The following RAB27B variants were observed in gnomAD, a reference collection of about 807,000 sequenced individuals.
The protein encoded by RAB27B is RAB27B, member RAS oncogene family, also known as ras-related protein Rab-27B.
A neutral mutation model predicts 24.6 loss-of-function variants in RAB27B; 15 were observed. The ratio of observed to expected loss-of-function variants is 0.61; its 90% CI spans 0.41 to 0.94. The LOEUF (loss-of-function observed/expected upper bound fraction) is 0.94, where lower values mean the gene tolerates loss of function less well. Ranked by LOEUF, RAB27B falls within the 40% of genes least tolerant of loss-of-function variation. The pLI is 0.00. For synonymous variants in RAB27B, 105 were observed against 92.5 expected, an observed-to-expected ratio of 1.14 and a Z score of -0.78; for missense variants, 261 against 266.8, an observed-to-expected ratio of 0.98 and a Z score of 0.15.
intron 2 of RAB27B, among the ~76,000 whole-genome samples, chr18:54,758,606 T>C (rs1908079769): frequency 6.8e-6 from 1 of 146,186 alleles, no homozygotes. Flanking sequence ...GATGTCTCTC[T>C]CTCCAGCTTG....
intron 1 of RAB27B, among the ~76,000 whole-genome samples, chr18:54,871,606 A>G (rs1912466229): frequency 6.6e-6 from 1 of 152,140 alleles, no homozygotes; most frequent in South Asian, 2.1e-4. Flanking sequence ...TCTTAAGAAT[A>G]CTAAATTGCT....
chr18:54,743,218 A>G (rs567503099), intron 2 of RAB27B, among the ~76,000 whole-genome samples: 70 of 152,282 alleles, frequency 4.6e-4, no homozygotes, highest in Admixed American at 3.5e-3. Context: ...ATTTTGTGTC[A>G]CTGTAATTTT....
intron 1 of RAB27B, among the ~76,000 whole-genome samples, chr18:54,843,073 G>A (rs1275096255): frequency 6.6e-6 from 1 of 152,180 alleles, no homozygotes; most frequent in African/African-American, 2.4e-5. Flanking sequence ...TGGGATTACA[G>A]GTGTGAGCCA....
chr18:54,771,146 C>A (rs903878909), intron 2 of RAB27B, among the ~76,000 whole-genome samples: 7 of 152,086 alleles, frequency 4.6e-5, no homozygotes, highest in African/African-American at 1.7e-4. Flanking sequence ...ATGCTGACTT[C>A]TGGCTAAGGC....
chr18:54,840,313 A>G (rs963248975), intron 1 of RAB27B, among the ~76,000 whole-genome samples: 1 of 152,218 alleles, frequency 6.6e-6, no homozygotes, highest in African/African-American at 2.4e-5. Flanking sequence ...TAGGAAATCA[A>G]TGATTTGTTG....
At chr18:54,742,229 C>G (rs1910093019) in intron 2 of RAB27B, among the ~76,000 whole-genome samples, 1 of 152,184 alleles carries the variant, frequency 6.6e-6, no homozygotes, top group Admixed American at 6.5e-5. Context: ...TCTTGTAACA[C>G]TGTCCTTCAG....
intron 2 of RAB27B, among the ~76,000 whole-genome samples, chr18:54,728,644 G>A (rs1909619729): frequency 6.6e-6 from 1 of 151,986 alleles, no homozygotes; most frequent in South Asian, 2.1e-4. Flanking sequence ...GGAGGCAGAG[G>A]CAGACTGAGC....
chr18:54,772,733 G>A (rs572523623), intron 2 of RAB27B, among the ~76,000 whole-genome samples: 122 of 152,042 alleles, frequency 8.0e-4, no homozygotes, highest in African/African-American at 2.9e-3. Context: ...AATACTATAA[G>A]CCATGCTTCT....
intron 2 of RAB27B, among the ~76,000 whole-genome samples, chr18:54,801,008 GTTTTTTTTT>G (rs11363761): frequency 3.0e-4 from 28 of 93,098 alleles, no homozygotes; most frequent in Non-Finnish European, 4.8e-4. Context: ...TTGTTCCTGT[GTTTTTTTTT>G]TTTTTTTTTT....
chr18:54,858,544 C>G (rs56396522), intron 1 of RAB27B, among the ~76,000 whole-genome samples: 2 of 151,698 alleles, frequency 1.3e-5, no homozygotes, highest in Non-Finnish European at 2.9e-5. Flanking sequence ...CCAGTACGCC[C>G]GGCTAATTTT....
chr18:54,831,052 A>G (rs1373530402), intron 1 of RAB27B, among the ~76,000 whole-genome samples: 1 of 152,170 alleles, frequency 6.6e-6, no homozygotes, highest in Non-Finnish European at 1.5e-5. Context: ...ATCTTTTACC[A>G]GGGAGACAAA....
chr18:54,749,580 A>G (rs191147049), intron 2 of RAB27B, among the ~76,000 whole-genome samples: 1 of 152,316 alleles, frequency 6.6e-6, no homozygotes, highest in Admixed American at 6.5e-5. Flanking sequence ...CAGAGATTGC[A>G]GAGGAGTTCT....
At chr18:54,778,935 G>A (rs1240191598) in intron 2 of RAB27B, among the ~76,000 whole-genome samples, 1 of 151,764 alleles carries the variant, frequency 6.6e-6, no homozygotes, top group Non-Finnish European at 1.5e-5. Context: ...GCACCCCCAG[G>A]TTCAAGCAAT....
At chr18:54,849,317 C>T (rs765982576) in intron 1 of RAB27B, among the ~76,000 whole-genome samples, 3 of 152,144 alleles carry the variant, frequency 2.0e-5, no homozygotes, top group Admixed American at 1.3e-4. Context: ...AGCTTTTAGT[C>T]AACTGTTTAA....
At chr18:54,734,345 T>C (rs973179371) in intron 2 of RAB27B, among the ~76,000 whole-genome samples, 1 of 152,160 alleles carries the variant, frequency 6.6e-6, no homozygotes, top group Non-Finnish European at 1.5e-5. Context: ...TGCAGAGTAC[T>C]TGATACTGTC....
At chr18:54,827,607 G>A (rs148539809), upstream of RAB27B, among the ~76,000 whole-genome samples, 53 of 152,266 alleles carry the variant, frequency 3.5e-4, no homozygotes, top group African/African-American at 9.9e-4. Flanking sequence ...CTAGGGCATC[G>A]AATAAGAAAC....
At chr18:54,833,132 A>T (rs761468242) in intron 1 of RAB27B, among the ~76,000 whole-genome samples, 1 of 152,194 alleles carries the variant, frequency 6.6e-6, no homozygotes, top group Non-Finnish European at 1.5e-5. Context: ...CTTGGGAAAA[A>T]ATGCTCAGGA....
At chr18:54,807,836 A>G (rs750736652) in intron 2 of RAB27B, among the ~76,000 whole-genome samples, 2 of 152,304 alleles carry the variant, frequency 1.3e-5, no homozygotes, top group Non-Finnish European at 1.5e-5. Context: ...GAGCTAGAAG[A>G]AAAAAGCAGT....
At chr18:54,770,894 T>C (rs1238196581) in intron 2 of RAB27B, among the ~76,000 whole-genome samples, 2 of 152,202 alleles carry the variant, frequency 1.3e-5, no homozygotes, top group Non-Finnish European at 2.9e-5. Flanking sequence ...AAAAATCTTT[T>C]TGGGGTTCGA....
Sources: allele counts gnomAD v4.1 joint callset (sites outside exome capture counted in the v4.1 genomes callset), GRCh38; gene constraint gnomAD v4.1.1; transcripts MANE v1.5; gene names NCBI Gene and HGNC (gene_info 2026-07-23, HGNC 2026-07-21).